The following CPNE4 variants were observed in gnomAD, a reference collection of about 807,000 sequenced individuals.
CPNE4 encodes the protein copine-4.
Under a neutral mutation model 67.9 loss-of-function variants are expected in CPNE4, and 25 were observed. The observed-to-expected ratio is 0.37, with a 90% CI of 0.27 to 0.51. The LOEUF (loss-of-function observed/expected upper bound fraction) is 0.51, where lower values mean the gene tolerates loss of function less well. Among genes scored for constraint, CPNE4 ranks in the 20% least tolerant of loss-of-function variants. The probability of loss-of-function intolerance (pLI) is 0.93; values close to 1 mark genes in which losing one functional copy is unlikely to be tolerated. For synonymous variants in CPNE4, 242 were observed against 244.9 expected, an observed-to-expected ratio of 0.99 and a Z score of 0.11; for missense variants, 464 against 690.8, an observed-to-expected ratio of 0.67 and a Z score of 3.68.
intron 1 of CPNE4, among the ~76,000 whole-genome samples, chr3:131,931,840 A>G (rs2071070749): frequency 6.6e-6 from 1 of 152,198 alleles, no homozygotes; most frequent in African/African-American, 2.4e-5. Context: ...TTACTTGTAC[A>G]ATAAAGGTTT....
chr3:131,828,462 T>C (rs77230699), intron 2 of CPNE4, among the ~76,000 whole-genome samples: 3,609 of 152,268 alleles, frequency 0.024, 127 homozygotes, highest in African/African-American at 0.08. Flanking sequence ...ATTATAAGCA[T>C]TGGATTTTTT....
intron 2 of CPNE4, among the ~76,000 whole-genome samples, chr3:131,737,494 A>C (rs2082265427): frequency 6.6e-6 from 1 of 152,138 alleles, no homozygotes; most frequent in African/African-American, 2.4e-5. Flanking sequence ...GTCAAATCTT[A>C]AGTGGTGAAA....
chr3:131,974,273 T>C (rs887014785), intron 1 of CPNE4, among the ~76,000 whole-genome samples: 1 of 152,206 alleles, frequency 6.6e-6, no homozygotes, highest in Non-Finnish European at 1.5e-5. Context: ...TTGTAAAATG[T>C]CTTGTGCACA....
At chr3:131,665,435 G>A (rs532673929) in intron 7 of CPNE4, among the ~76,000 whole-genome samples, 2 of 152,158 alleles carry the variant, frequency 1.3e-5, no homozygotes, top group Admixed American at 1.3e-4. Flanking sequence ...ATGGTGGGCA[G>A]ATCACTTGAG....
intron 2 of CPNE4, among the ~76,000 whole-genome samples, chr3:131,885,326 G>A (rs2369229): frequency 0.67 from 101,493 of 150,494 alleles, 34,592 homozygotes; most frequent in African/African-American, 0.76. Flanking sequence ...TATCTGGTGG[G>A]AGAAATTTCT....
At chr3:131,908,257 A>G (rs538329876) in intron 1 of CPNE4, among the ~76,000 whole-genome samples, 2 of 152,308 alleles carry the variant, frequency 1.3e-5, no homozygotes, top group Admixed American at 1.3e-4. Context: ...AGCTTCATAA[A>G]CCATTTTCCT....
intron 1 of CPNE4, among the ~76,000 whole-genome samples, chr3:131,911,793 G>A (rs921280344): frequency 2.6e-5 from 4 of 152,098 alleles, no homozygotes; most frequent in African/African-American, 9.7e-5. Context: ...ACCTCCTGGT[G>A]CCTGCACAAA....
chr3:131,706,946 A>G (rs1183803450), intron 3 of CPNE4, among the ~76,000 whole-genome samples: 1 of 152,112 alleles, frequency 6.6e-6, no homozygotes, highest in Non-Finnish European at 1.5e-5. Context: ...TATATCTTAC[A>G]TGTATTGATT....
intron 2 of CPNE4, among the ~76,000 whole-genome samples, chr3:131,882,519 C>T (rs1479336921): frequency 2.0e-5 from 3 of 151,974 alleles, no homozygotes; most frequent in African/African-American, 7.3e-5. Context: ...TAAAGCTTAC[C>T]CAATATGAAT....
In CPNE4 at chr3:131,961,672, T is replaced by C. The variant is rs192155719; in HGVS notation, c.-1-56228A>G. Among the ~76,000 whole-genome samples, 7 of 152,138 alleles carry C rather than the reference T, an allele frequency of 4.6e-5. No homozygotes were observed. In the East Asian group the frequency reaches 1.4e-3, roughly 30 times the overall value. On this transcript the variant is annotated intron_variant, in intron 1 of 15. Coordinates refer to ENST00000429747, the MANE Select transcript of CPNE4 (RefSeq NM_130808.3). ...TGCTCTGTTGTCTATTCCTGACTCT[T>C]AAGATCCACACCTAGAGGACTAAAG...
At position 131,601,219 on chromosome 3, in the gene CPNE4, T is replaced by C. The variant is rs185365854; in HGVS notation, c.682-13637A>G. Among the ~76,000 whole-genome samples the C allele has an allele frequency of 2.7e-3, 409 of 152,316 alleles. 1 individual carries two copies. The highest frequency in any genetic ancestry group is 8.6e-3 in the African/African-American group (358 of 41,566). On this transcript the variant is annotated intron_variant, in intron 7 of 15. Coordinates refer to ENST00000429747, the MANE Select transcript of CPNE4 (RefSeq NM_130808.3). Reference sequence around the variant, plus strand: ...AGTTCATTCATCTCTATGGTGGGAATTACTTTTTGTTCTATTTGCCAGGTC... The same window carrying C: ...AGTTCATTCATCTCTATGGTGGGAACTACTTTTTGTTCTATTTGCCAGGTC...
At position 131,699,909 on chromosome 3, in the gene CPNE4, C is replaced by T. The variant is rs555262374; in HGVS notation, c.432G>A (p.Thr144=). The T allele has an allele frequency of 2.2e-5, 35 of 1,612,862 alleles. No homozygotes were observed. The highest frequency in any genetic ancestry group is 2.7e-5 in the African/African-American group (2 of 75,020). ...AGCTGCTTAGGGAGTGCCTGCTTAC[C>T]GTGATGGAAGATTTCCCTGCTGTGT... ...HGNTAGKSSI[T]VIAEELSGND... is the part of the protein sequence containing the mutation. The change falls in exon 4 of 16, where the codon ACG becomes ACA. Residue 144 remains threonine, a splice_region_variant and synonymous_variant. Transcript: ENST00000429747.
chr3:131,684,929 G>A (rs1426086753), intron 6 of CPNE4, among the ~76,000 whole-genome samples: 1 of 152,200 alleles, frequency 6.6e-6, no homozygotes, highest in Non-Finnish European at 1.5e-5. Flanking sequence ...GGAGAAAGAA[G>A]AGGAAGAGTG....
chr3:131,653,530 A>G (rs927033472), intron 7 of CPNE4, among the ~76,000 whole-genome samples: 1 of 152,162 alleles, frequency 6.6e-6, no homozygotes. Context: ...CAGAGTCCTA[A>G]TCCCAGAAAT....
At chr3:131,832,222 T>C (rs1184952024) in intron 2 of CPNE4, among the ~76,000 whole-genome samples, 1 of 152,216 alleles carries the variant, frequency 6.6e-6, no homozygotes, top group Non-Finnish European at 1.5e-5. Flanking sequence ...AACTCATATG[T>C]TGAAATCCTA....
chr3:131,590,171 C>A (rs1245303655), intron 7 of CPNE4, among the ~76,000 whole-genome samples: 1 of 152,196 alleles, frequency 6.6e-6, no homozygotes, highest in Non-Finnish European at 1.5e-5. Context: ...CCCATAACAT[C>A]ATTATGCTGA....
At chr3:131,954,503 T>A (rs2071878048) in intron 1 of CPNE4, among the ~76,000 whole-genome samples, 1 of 151,432 alleles carries the variant, frequency 6.6e-6, no homozygotes, top group African/African-American at 2.4e-5. Context: ...ACTCTTTTTT[T>A]ATTATTATTA....
At chr3:131,984,406 T>C (rs779492812) in intron 1 of CPNE4, among the ~76,000 whole-genome samples, 14 of 152,212 alleles carry the variant, frequency 9.2e-5, no homozygotes, top group Non-Finnish European at 2.1e-4. Flanking sequence ...CAGAAAGAAA[T>C]ACACCATGAG....
intron 2 of CPNE4, among the ~76,000 whole-genome samples, chr3:131,792,740 T>A (rs2083800681): frequency 7.4e-6 from 1 of 135,500 alleles, no homozygotes; most frequent in African/African-American, 2.6e-5. Context: ...CACGTGTGTA[T>A]ATATGTATAT....
Sources: allele counts gnomAD v4.1 joint callset (sites outside exome capture counted in the v4.1 genomes callset), GRCh38; gene constraint gnomAD v4.1.1; transcripts MANE v1.5; gene names NCBI Gene and HGNC (gene_info 2026-07-23, HGNC 2026-07-21).